Variants in VAT1L observed in about 807,000 individuals in gnomAD.
The protein encoded by VAT1L is vesicle amine transport 1 like.
A neutral mutation model predicts 44.1 loss-of-function variants in VAT1L; 34 were observed. The observed-to-expected ratio is 0.77, with a 90% CI of 0.59 to 1.03. The LOEUF (loss-of-function observed/expected upper bound fraction) is 1.03, where lower values mean the gene tolerates loss of function less well. Ranked by LOEUF, VAT1L falls within the 50% of genes least tolerant of loss-of-function variation. VAT1L has a pLI of 0.00. For synonymous variants in VAT1L, 253 were observed against 202.2 expected, an observed-to-expected ratio of 1.25 and a Z score of -2.13; for missense variants, 615 against 538.8, an observed-to-expected ratio of 1.14 and a Z score of -1.40.
chr16:77,904,925 G>T (rs941938057), intron 7 of VAT1L, among the ~76,000 whole-genome samples: 14 of 152,172 alleles, frequency 9.2e-5, no homozygotes, highest in African/African-American at 3.1e-4. Context: ...TACCAAGCCT[G>T]GGACAAGGCC....
At chr16:77,886,197 T>C (rs2017207634) in intron 7 of VAT1L, among the ~76,000 whole-genome samples, 1 of 152,212 alleles carries the variant, frequency 6.6e-6, no homozygotes, top group South Asian at 2.1e-4. Flanking sequence ...TTCTGCTGTG[T>C]AATTGCCAAT....
chr16:77,902,724 T>C (rs1249990849), intron 7 of VAT1L, among the ~76,000 whole-genome samples: 1 of 1,986 alleles, frequency 5.0e-4, no homozygotes, highest in Non-Finnish European at 1.0e-3. Context: ...GGGAGGCCGA[T>C]GGGGGGGTGG....
At chr16:77,831,696 A>G (rs971131562) in intron 3 of VAT1L, among the ~76,000 whole-genome samples, 7 of 152,280 alleles carry the variant, frequency 4.6e-5, no homozygotes, top group Admixed American at 1.3e-4. Context: ...TACACACAAA[A>G]TGTGGTTTCC....
chr16:77,954,987 A>C (rs1371382242), intron 7 of VAT1L, among the ~76,000 whole-genome samples: 2 of 152,226 alleles, frequency 1.3e-5, no homozygotes, highest in South Asian at 2.1e-4. Context: ...ATTTTTAAGA[A>C]AAGCTAATGT....
At chr16:77,835,675 C>T (rs1204144066) in intron 3 of VAT1L, among the ~76,000 whole-genome samples, 2 of 152,088 alleles carry the variant, frequency 1.3e-5, no homozygotes, top group African/African-American at 4.8e-5. Flanking sequence ...GAGTTCAAAA[C>T]CAGCCTGGCC....
At chr16:77,856,322 CCTTA>C (rs1240674555) in intron 3 of VAT1L, among the ~76,000 whole-genome samples, 2 of 152,128 alleles carry the variant, frequency 1.3e-5, no homozygotes, top group Non-Finnish European at 2.9e-5. Context: ...CATTCTCTGT[CCTTA>C]CTTAGTTGAG....
At chr16:77,798,751 A>G (rs144681550) in intron 1 of VAT1L, among the ~76,000 whole-genome samples, 1,524 of 152,308 alleles carry the variant, frequency 0.01, 18 homozygotes, top group Non-Finnish European at 8.9e-3. Context: ...CATATACAAG[A>G]AGATCAAGAG....
chr16:77,827,755 T>C (rs1597054630), intron 3 of VAT1L, among the ~76,000 whole-genome samples: 1 of 152,238 alleles, frequency 6.6e-6, no homozygotes, highest in East Asian at 1.9e-4. Context: ...CTAACACTGG[T>C]TTTGGGGACC....
At chr16:77,925,692 G>T (rs2017658878) in intron 7 of VAT1L, among the ~76,000 whole-genome samples, 2 of 152,130 alleles carry the variant, frequency 1.3e-5, no homozygotes, top group Non-Finnish European at 2.9e-5. Context: ...TTCTGCAGAT[G>T]ACGTAAAATC....
chr16:77,971,787 C>T (rs1372449118), intron 7 of VAT1L, 63 bp from the exon 8 acceptor site: 1 of 1,542,820 alleles, frequency 6.5e-7, no homozygotes, highest in African/African-American at 1.4e-5. Flanking sequence ...TTCTCCAGGC[C>T]CCCTTTTTAA....
At chr16:77,894,407 G>C (rs2017299770) in intron 7 of VAT1L, among the ~76,000 whole-genome samples, 1 of 152,176 alleles carries the variant, frequency 6.6e-6, no homozygotes, top group African/African-American at 2.4e-5. Context: ...GGTTGGTGAA[G>C]GGAAGGTGCA....
chr16:77,863,415 A>C (rs2016937138), intron 4 of VAT1L, among the ~76,000 whole-genome samples: 1 of 152,244 alleles, frequency 6.6e-6, no homozygotes, highest in Non-Finnish European at 1.5e-5. Flanking sequence ...GTCGTTGGCT[A>C]CGCCTTACTG....
intron 7 of VAT1L, among the ~76,000 whole-genome samples, chr16:77,936,817 C>G (rs1023835188): frequency 4.6e-5 from 7 of 152,102 alleles, no homozygotes; most frequent in African/African-American, 1.7e-4. Context: ...GAGCAAAATC[C>G]CACTTGCGAG....
chr16:77,909,235 T>TA (rs2017472714), intron 7 of VAT1L, among the ~76,000 whole-genome samples: 2 of 152,210 alleles, frequency 1.3e-5, no homozygotes, highest in Admixed American at 1.3e-4. Flanking sequence ...GACAAAAACT[T>TA]AAACAGCTTT....
chr16:77,816,543 T>A (rs1420838364), intron 1 of VAT1L, among the ~76,000 whole-genome samples: 1 of 152,186 alleles, frequency 6.6e-6, no homozygotes, highest in Non-Finnish European at 1.5e-5. Context: ...TCCTGGTAAA[T>A]CTTTTACCTT....
At chr16:77,936,285 G>C (rs555073565) in intron 7 of VAT1L, among the ~76,000 whole-genome samples, 1 of 152,256 alleles carries the variant, frequency 6.6e-6, no homozygotes, top group South Asian at 2.1e-4. Flanking sequence ...TAAACCCTCT[G>C]GGACAATTTT....
chr16:77,909,604 T>C (rs1159792411), intron 7 of VAT1L, among the ~76,000 whole-genome samples: 2 of 127,672 alleles, frequency 1.6e-5, no homozygotes, highest in Non-Finnish European at 3.1e-5. Flanking sequence ...AACACCGCAC[T>C]CCAGCCTGGG....
chr16:77,808,330 T>C (rs1431937535), intron 1 of VAT1L, among the ~76,000 whole-genome samples: 1 of 152,112 alleles, frequency 6.6e-6, no homozygotes, highest in Non-Finnish European at 1.5e-5. Context: ...CGTCGAGTTG[T>C]AGGAAAACAA....
chr16:77,811,825 G>T (rs916156183), intron 1 of VAT1L, among the ~76,000 whole-genome samples: 19 of 152,156 alleles, frequency 1.2e-4, no homozygotes, highest in Admixed American at 1.1e-3. Context: ...CTTATATAAA[G>T]TCTAAGCATA....
Sources: gnomAD v4.1 joint callset for allele counts (sites outside exome capture counted in the v4.1 genomes callset) on GRCh38, gnomAD v4.1.1 for gene constraint, MANE v1.5 for transcripts, NCBI Gene and HGNC (gene_info 2026-07-23, HGNC 2026-07-21) for gene names.